TMEM87A: variants seen among roughly 807,000 people sequenced by gnomAD.
TMEM87A encodes Golgi-pH regulating cation channel.
Under a neutral mutation model 90.0 loss-of-function variants are expected in TMEM87A, and 50 were observed. That is an observed-to-expected ratio of 0.56 (90% CI 0.44 to 0.70). The LOEUF (loss-of-function observed/expected upper bound fraction) is 0.70, where lower values mean the gene tolerates loss of function less well. TMEM87A is among the 30% of genes least tolerant of loss of function. The pLI is 0.00. For synonymous variants in TMEM87A, 226 were observed against 226.7 expected (o/e 1.00, Z 0.03); for missense variants, 577 against 660.5 (o/e 0.87, Z 1.39).
intron 6 of TMEM87A, among the ~76,000 whole-genome samples, chr15:42,260,407 A>G (rs181105691): frequency 6.6e-6 from 1 of 152,320 alleles, no homozygotes; most frequent in African/African-American, 2.4e-5. Flanking sequence ...TGTAATATGT[A>G]TATTATACCT....
intron 8 of TMEM87A, among the ~76,000 whole-genome samples, chr15:42,238,494 C>CA (rs745853904): frequency 5.3e-5 from 8 of 152,004 alleles, no homozygotes; most frequent in Admixed American, 1.3e-4. Flanking sequence ...CGCTTGAACC[C>CA]AGGAGCTGGA....
At position 42,221,183 on chromosome 15, in the gene TMEM87A, AAGT is replaced by A. The variant is rs2050474130; in HGVS notation, c.1404-1051_1404-1049del. The stretch of plus-strand genomic sequence containing the variant: ...AGAATCCCTTGACCCCGGGGAACAG[AAGT>A]TGCAGTGAGCCAAGATTGCACCACT... On this transcript the variant is annotated intron_variant, in intron 15 of 19. Coordinates refer to ENST00000389834, the MANE Select transcript of TMEM87A (RefSeq NM_015497.5). 5.9e-5 allele frequency among the ~76,000 whole-genome samples: 9 copies of A among 151,958 alleles called. No individual in the cohort carries two copies. The South Asian group carries it at 1.9e-3, about 32-fold the overall frequency.
chr15:42,216,486 A>G (rs1175254883), intron 19 of TMEM87A, among the ~76,000 whole-genome samples: 3 of 152,240 alleles, frequency 2.0e-5, no homozygotes, highest in East Asian at 3.8e-4. Context: ...CCAAATTACT[A>G]TAGCAAACTT....
At chr15:42,231,989 TAC>T (rs1290658578) in intron 11 of TMEM87A, 1 of 798,800 alleles carries the variant, frequency 1.3e-6, no homozygotes, top group Non-Finnish European at 1.7e-6. Flanking sequence ...GAGAATTACA[TAC>T]AGAGGACAGT....
Position 42,264,162 on chromosome 15 carries a change from T to G in TMEM87A, c.333A>C (p.Lys111Asn), listed in dbSNP as rs1223805834. ...TTTGATATTTCCCAGACAAGCCTCTTTTTTCCTTAAGTTTTTCCAAATACA... is the reference window on the plus strand; with the variant it reads ...TTTGATATTTCCCAGACAAGCCTCTGTTTTCCTTAAGTTTTTCCAAATACA... ...VELYLEKLKE[K>N]RGLSGKYQTS... The change falls in exon 4 of 20, where the codon AAA (lysine) becomes AAC (asparagine). Residue 111 changes from lysine (K) to asparagine (N), a missense_variant. Transcript: ENST00000389834. The G allele has an allele frequency of 6.2e-7, 1 of 1,613,736 alleles. No individual in the cohort carries two copies. The highest frequency in any genetic ancestry group is 1.3e-5 in the African/African-American group (1 of 74,898).
Position 42,273,372 on chromosome 15 carries a change from C to T in TMEM87A, c.27G>A (p.Val9=). 6.2e-7 allele frequency: 1 copy of T among 1,614,064 alleles called. No individual in the cohort carries two copies. Among genetic ancestry groups the T allele is most frequent in the Non-Finnish European group, 8.5e-7 (1 of 1,180,030 alleles). The change falls in exon 1 of 20, where the codon GTG becomes GTA. Residue 9 remains valine (V), a synonymous_variant. Coordinates refer to ENST00000389834, the MANE Select transcript of TMEM87A (RefSeq NM_015497.5). The part of the protein sequence containing the change: MAAAAWLQ[V]LPVILLLLGA... ...CCAGAAGCAGAAGAATGACAGGCAA[C>T]ACCTGAAGCCACGCAGCCGCCGCCA...
chr15:42,259,036 C>G (rs573378088), intron 6 of TMEM87A: 1 of 726,446 alleles, frequency 1.4e-6, no homozygotes, highest in South Asian at 1.5e-5. Context: ...CACCCTATTC[C>G]CATTCCTCTC....
At chr15:42,223,078 C>G (rs12441642) in intron 15 of TMEM87A, among the ~76,000 whole-genome samples, 37,594 of 152,048 alleles carry the variant, frequency 0.25, 6,430 homozygotes, top group African/African-American at 0.48. Flanking sequence ...AAAATATTGG[C>G]ATACAAAATA....
chr15:42,238,971 G>A (rs1434142456), intron 8 of TMEM87A, among the ~76,000 whole-genome samples: 2 of 151,910 alleles, frequency 1.3e-5, no homozygotes, highest in South Asian at 2.1e-4. Context: ...AGACACAGAC[G>A]TATGCACACA....
chr15:42,261,961 C>A (rs1490503416), intron 4 of TMEM87A, among the ~76,000 whole-genome samples: 2 of 152,194 alleles, frequency 1.3e-5, no homozygotes, highest in African/African-American at 4.8e-5. Flanking sequence ...ATGCTTAGGT[C>A]TGCTGTCCCT....
chr15:42,211,873 G>A, intron 19 of TMEM87A, 124 bp from the exon 20 acceptor site: 1 of 893,278 alleles, frequency 1.1e-6, no homozygotes, highest in Admixed American at 2.5e-5. Context: ...AATGTTTAGA[G>A]AAATGGTTCC....
chr15:42,268,409 T>A (rs1429511141), intron 2 of TMEM87A, among the ~76,000 whole-genome samples: 1 of 152,202 alleles, frequency 6.6e-6, no homozygotes, highest in Non-Finnish European at 1.5e-5. Flanking sequence ...AGCTCACACC[T>A]ATAACCCCAG....
chr15:42,244,247 C>T (rs2050928278), intron 6 of TMEM87A, 80 bp from the exon 7 acceptor site: 2 of 996,302 alleles, frequency 2.0e-6, no homozygotes, highest in East Asian at 2.7e-5. Flanking sequence ...GCAAATTTTG[C>T]TCCAGAATGT....
intron 2 of TMEM87A, among the ~76,000 whole-genome samples, chr15:42,268,522 CT>C: frequency 6.6e-6 from 1 of 152,020 alleles, no homozygotes; most frequent in Non-Finnish European, 1.5e-5. Context: ...GATTAAAAAG[CT>C]AGGCGTGGTG....
At position 42,273,353 on chromosome 15, in the gene TMEM87A, G is replaced by A. The variant is rs2051601480; in HGVS notation, c.46C>T (p.Leu16Phe). 2.5e-6 allele frequency: 4 copies of A among 1,614,152 alleles called. No homozygotes were observed. Among genetic ancestry groups the A allele is most frequent in the Non-Finnish European group, 3.4e-6 (4 of 1,180,052 alleles). The change falls in exon 1 of 20, where the codon CTT (leucine) becomes TTT (phenylalanine). Residue 16 changes from leucine to phenylalanine, a missense_variant. Transcript: ENST00000389834. ...AGTGGTGACGGGTGAGCTCCCAGAA[G>A]CAGAAGAATGACAGGCAACACCTGA... ...WLQVLPVILL[L>F]LGAHPSPLSF...
chr15:42,248,861 A>G (rs1402096320), intron 6 of TMEM87A, among the ~76,000 whole-genome samples: 1 of 152,186 alleles, frequency 6.6e-6, no homozygotes, highest in Non-Finnish European at 1.5e-5. Flanking sequence ...AAGGAATGGT[A>G]CCAGCTCCTC....
intron 15 of TMEM87A, among the ~76,000 whole-genome samples, chr15:42,226,360 T>C (rs193054852): frequency 1.3e-5 from 2 of 152,008 alleles, no homozygotes; most frequent in Non-Finnish European, 2.9e-5. Flanking sequence ...AACGTGCATA[T>C]ATTTTTTAGA....
intron 13 of TMEM87A, 144 bp downstream of exon 13, chr15:42,228,568 C>T (rs2050635390): frequency 1.6e-6 from 1 of 644,560 alleles, no homozygotes; most frequent in Non-Finnish European, 2.7e-6. Context: ...ACCACAGATC[C>T]TTCTGAGAAT....
At chr15:42,221,271 C>G (rs8042019) in intron 15 of TMEM87A, among the ~76,000 whole-genome samples, 10,163 of 111,794 alleles carry the variant, frequency 0.091, 1,002 homozygotes, top group African/African-American at 0.26. Flanking sequence ...GAGACAGAGA[C>G]AGAGAGAGAG....
Sources: gnomAD v4.1 joint callset for allele counts (sites outside exome capture counted in the v4.1 genomes callset) on GRCh38, gnomAD v4.1.1 for gene constraint, MANE v1.5 for transcripts, NCBI Gene and HGNC (gene_info 2026-07-23, HGNC 2026-07-21) for gene names.